Variants in HOOK3 observed in about 807,000 individuals in gnomAD.
The protein encoded by HOOK3 is hook microtubule tethering protein 3.
HOOK3 carries 24 observed loss-of-function variants against 116.3 expected under a neutral mutation model. That is an observed-to-expected ratio of 0.21 (90% CI 0.15 to 0.29). The LOEUF is 0.29. HOOK3 is among the 10% of genes least tolerant of loss of function. The pLI is 1.00. For synonymous variants in HOOK3, 275 were observed against 283.0 expected (o/e 0.97, Z 0.28); for missense variants, 632 against 830.2 (o/e 0.76, Z 2.93).
At chr8:42,978,410 A>ATTTTT (rs780491369) in intron 13 of HOOK3, among the ~76,000 whole-genome samples, 15 of 121,014 alleles carry the variant, frequency 1.2e-4, no homozygotes, top group Non-Finnish European at 1.8e-5. Context: ...TGCCTGGCTA[A>ATTTTT]TTTTTTTTTT....
At chr8:42,969,050 C>T (rs985969533) in intron 11 of HOOK3, among the ~76,000 whole-genome samples, 7 of 152,130 alleles carry the variant, frequency 4.6e-5, no homozygotes, top group Non-Finnish European at 1.0e-4. Context: ...CTGCTGCTCT[C>T]TCAGTTAGTC....
intron 2 of HOOK3, among the ~76,000 whole-genome samples, chr8:42,917,961 GA>G (rs1807564348): frequency 6.6e-6 from 1 of 152,126 alleles, no homozygotes; most frequent in African/African-American, 2.4e-5. Flanking sequence ...TGATTATTAG[GA>G]AATAGTCATG....
chr8:42,987,162 AAAAC>A (rs995545742), intron 15 of HOOK3, among the ~76,000 whole-genome samples: 31 of 152,288 alleles, frequency 2.0e-4, no homozygotes, highest in South Asian at 1.9e-3. Flanking sequence ...ACTCTGTCTC[AAAAC>A]AAACAAACAA....
chr8:43,007,208 G>A (rs1306919634), intron 17 of HOOK3, among the ~76,000 whole-genome samples: 3 of 151,902 alleles, frequency 2.0e-5, no homozygotes, highest in East Asian at 3.9e-4. Context: ...AGCAGAGACT[G>A]GGTTTTGCCA....
intron 13 of HOOK3, among the ~76,000 whole-genome samples, chr8:42,977,528 A>T (rs1475163600): frequency 6.6e-6 from 1 of 152,180 alleles, no homozygotes; most frequent in Non-Finnish European, 1.5e-5. Flanking sequence ...GATACCCCAA[A>T]ACATATTTAG....
chr8:42,948,421 C>A (rs1347134416), intron 5 of HOOK3, among the ~76,000 whole-genome samples: 4 of 152,060 alleles, frequency 2.6e-5, no homozygotes, highest in African/African-American at 9.7e-5. Flanking sequence ...TAATTTAGTT[C>A]TCATCATCAT....
Position 42,964,391 on chromosome 8 carries a change from T to C in HOOK3, c.696T>C (p.Ser232=). Residue 232 remains serine, a synonymous_variant, in exon 9 of 22, where the codon TCT becomes TCC. Transcript: ENST00000307602. ...VLMERLNQSD[S]IEDPNSPAGR... ...TGGAAAGACTCAATCAATCTGATTCTATAGAAGACCCTAACAGTCCAGCAG... is the reference window on the plus strand; with the variant it reads ...TGGAAAGACTCAATCAATCTGATTCCATAGAAGACCCTAACAGTCCAGCAG... 8 of 1,614,124 alleles carry C rather than the reference T, an allele frequency of 5.0e-6. No individual in the cohort carries two copies. The highest frequency in any genetic ancestry group is 6.8e-6 in the Non-Finnish European group (8 of 1,179,978).
chr8:42,908,264 C>T (rs185582861), intron 2 of HOOK3, among the ~76,000 whole-genome samples: 68 of 152,282 alleles, frequency 4.5e-4, no homozygotes, highest in Non-Finnish European at 9.4e-4. Context: ...AGATTCAATG[C>T]ATTCCCTATA....
At chr8:42,980,412 G>A (rs1808916890) in intron 13 of HOOK3, among the ~76,000 whole-genome samples, 1 of 152,120 alleles carries the variant, frequency 6.6e-6, no homozygotes, top group Non-Finnish European at 1.5e-5. Flanking sequence ...TGCCGCTATA[G>A]TTTGAATGTC....
chr8:42,926,435 C>T lies in HOOK3; in HGVS notation c.216+806C>T, dbSNP rs7823982. 5.2e-3 allele frequency among the ~76,000 whole-genome samples: 791 copies of T among 152,204 alleles called. 13 individuals are homozygous for T. Among genetic ancestry groups the T allele is most frequent in the African/African-American group, 0.018 (754 of 41,526 alleles). The stretch of plus-strand genomic sequence containing the variant: ...CAAGGAGCTTAGGATTACAGGCATC[C>T]GCCACCACACCCAGCTAATTTTTGC... On this transcript the variant is annotated intron_variant, in intron 3 of 21. Coordinates refer to ENST00000307602, the MANE Select transcript of HOOK3 (RefSeq NM_032410.4).
At chr8:42,955,346 T>C (rs977543148) in intron 6 of HOOK3, among the ~76,000 whole-genome samples, 1 of 152,206 alleles carries the variant, frequency 6.6e-6, no homozygotes, top group African/African-American at 2.4e-5. Context: ...GCCTGAGTCC[T>C]ACAACTAGTT....
At chr8:42,989,453 C>CTTTTTATTT (rs1274502640) in intron 15 of HOOK3, among the ~76,000 whole-genome samples, 1 of 151,964 alleles carries the variant, frequency 6.6e-6, no homozygotes, top group Non-Finnish European at 1.5e-5. Context: ...TGTAGATGAA[C>CTTTTTATTT]TTTTTATTTT....
In HOOK3 at chr8:43,026,404, T is replaced by C. The variant is rs1223992127; in HGVS notation, c.*7906T>C. ...CTTCCCCTCTACCTTTCTGGCATTT[T>C]CTGTTATCTTAGAGTCAGGAATCTA... On this transcript the variant is annotated 3_prime_UTR_variant, in exon 22 of 22. Coordinates refer to ENST00000307602, the MANE Select transcript of HOOK3 (RefSeq NM_032410.4). 4 of 203,914 alleles carry C rather than the reference T, an allele frequency of 2.0e-5. No individual in the cohort carries two copies. Among genetic ancestry groups the C allele is most frequent in the Non-Finnish European group, 4.0e-5 (4 of 99,476 alleles). The allele number at this position is 203,914 out of a possible 1,614,324, so 12.6% of individuals were successfully genotyped here.
chr8:43,008,234 G>A (rs1333226081), intron 18 of HOOK3, among the ~76,000 whole-genome samples: 1 of 151,918 alleles, frequency 6.6e-6, no homozygotes, highest in Non-Finnish European at 1.5e-5. Context: ...TAGCCAGGAT[G>A]GTTTCGATCT....
chr8:42,908,640 C>T (rs1807361092), intron 2 of HOOK3, among the ~76,000 whole-genome samples: 1 of 152,170 alleles, frequency 6.6e-6, no homozygotes, highest in Non-Finnish European at 1.5e-5. Flanking sequence ...CCTTATCTCA[C>T]GCCACATGCA....
chr8:42,907,782 G>T (rs980134161), intron 2 of HOOK3, among the ~76,000 whole-genome samples: 1 of 118,384 alleles, frequency 8.4e-6, no homozygotes, highest in South Asian at 2.9e-4. Flanking sequence ...GACTCTGCCA[G>T]TTCTGTTCAA....
intron 18 of HOOK3, among the ~76,000 whole-genome samples, chr8:43,008,667 T>TTATTTTTATTTTTATTTA (rs71550439): frequency 6.8e-5 from 10 of 146,360 alleles, no homozygotes; most frequent in South Asian, 6.5e-4. Context: ...ATTTTTATTT[T>TTATTTTTATTTTTATTTA]TTTTTTTTTT....
intron 16 of HOOK3, among the ~76,000 whole-genome samples, chr8:42,999,543 A>G (rs1310577140): frequency 6.6e-6 from 1 of 151,202 alleles, no homozygotes; most frequent in Non-Finnish European, 1.5e-5. Context: ...AAAGTGTTGC[A>G]TCTCGGGAAT....
At chr8:42,911,385 A>G (rs910847783) in intron 2 of HOOK3, among the ~76,000 whole-genome samples, 1 of 152,092 alleles carries the variant, frequency 6.6e-6, no homozygotes, top group African/African-American at 2.4e-5. Context: ...GGGAAAGTGG[A>G]GGTTGCAGTG....
Sources: gnomAD v4.1 joint callset for allele counts (sites outside exome capture counted in the v4.1 genomes callset) on GRCh38, gnomAD v4.1.1 for gene constraint, MANE v1.5 for transcripts, NCBI Gene and HGNC (gene_info 2026-07-23, HGNC 2026-07-21) for gene names.